NOS1: variants seen among roughly 807,000 people sequenced by gnomAD.
NOS1 encodes NOS type I.
In NOS1, 51 loss-of-function variants were observed where a neutral mutation model predicts 164.5. That is an observed-to-expected ratio of 0.31 (90% CI 0.25 to 0.39). The LOEUF (loss-of-function observed/expected upper bound fraction) is 0.39, where lower values mean the gene tolerates loss of function less well. NOS1 is among the 10% of genes least tolerant of loss of function. The probability of loss-of-function intolerance (pLI) is 1.00; values close to 1 mark genes in which losing one functional copy is unlikely to be tolerated. For synonymous variants in NOS1, 719 were observed against 745.8 expected, an observed-to-expected ratio of 0.96 and a Z score of 0.59; for missense variants, 1,362 against 1,885.6, an observed-to-expected ratio of 0.72 and a Z score of 5.14.
intron 3 of NOS1, among the ~76,000 whole-genome samples, chr12:117,297,432 C>T (rs1254384417): frequency 6.6e-6 from 1 of 151,454 alleles, no homozygotes; most frequent in African/African-American, 2.4e-5. Flanking sequence ...GCTCTTGTTG[C>T]CCAGGCTGGA....
At chr12:117,319,607 T>C (rs9658288) in intron 2 of NOS1, among the ~76,000 whole-genome samples, 1 of 152,236 alleles carries the variant, frequency 6.6e-6, no homozygotes, top group Non-Finnish European at 1.5e-5. Context: ...CACAAAGATG[T>C]AGATTCTGTG....
Position 117,256,399 on chromosome 12 carries a change from C to T in NOS1, c.2531+1998G>A, listed in dbSNP as rs542685775. ...GCTCAAGTGATTCTCCTGCCTCAGC[C>T]TCCTGAGTAGCTGGGATTACAGGTG... On this transcript the variant is annotated intron_variant, in intron 16 of 28. Transcript: ENST00000317775. 9.9e-5 allele frequency among the ~76,000 whole-genome samples: 15 copies of T among 151,110 alleles called. No homozygotes were observed. In the South Asian group the frequency reaches 3.1e-3, roughly 32 times the overall value.
At chr12:117,216,772 C>T (rs985043069) in intron 28 of NOS1, among the ~76,000 whole-genome samples, 18 of 152,212 alleles carry the variant, frequency 1.2e-4, no homozygotes, top group African/African-American at 4.3e-4. Context: ...AGCCACCACA[C>T]CTGGCCTTAA....
intron 1 of NOS1, among the ~76,000 whole-genome samples, chr12:117,357,117 G>A (rs945192405): frequency 6.6e-6 from 1 of 152,176 alleles, no homozygotes; most frequent in Non-Finnish European, 1.5e-5. Context: ...GAGCCCAGGA[G>A]TTTGAGTCTG....
At chr12:117,216,428 G>T (rs816360) in intron 28 of NOS1, among the ~76,000 whole-genome samples, 41 of 151,556 alleles carry the variant, frequency 2.7e-4, no homozygotes, top group African/African-American at 9.2e-4. Context: ...ATGATCCACC[G>T]GCCTCAGCCT....
At chr12:117,287,213 C>CA (rs1168919076) in intron 5 of NOS1, among the ~76,000 whole-genome samples, 2 of 151,792 alleles carry the variant, frequency 1.3e-5, no homozygotes, top group African/African-American at 2.4e-5. Context: ...GACTCTGTCT[C>CA]AAAAAAATAA....
chr12:117,208,422 G>GTGT lies in NOS1; in HGVS notation c.*6886_*6887insACA, dbSNP rs58714999. On this transcript the variant is annotated 3_prime_UTR_variant, in exon 29 of 29. Coordinates refer to ENST00000317775, the MANE Select transcript of NOS1 (RefSeq NM_000620.5). ...TGTGTGTGTGTGTGTGTGTGTGTGTGGTGAGATGCGACCAGGTCTGCCCAC... is the reference window on the plus strand; with the variant it reads ...TGTGTGTGTGTGTGTGTGTGTGTGTGTGTGTGAGATGCGACCAGGTCTGCCCAC... 7.1e-5 allele frequency: 90 copies of GTGT among 1,275,032 alleles called. No homozygotes were observed. The highest frequency in any genetic ancestry group is 3.2e-4 in the Middle Eastern group (1 of 3,110). 79.0% of individuals were successfully genotyped at this position (1,275,032 alleles called of 1,614,324 possible).
At position 117,286,123 on chromosome 12, in the gene NOS1, A is replaced by C. The variant is rs1874096614; in HGVS notation, c.1271T>G (p.Ile424Ser). The change falls in exon 6 of 29, where the codon ATC becomes AGC. Residue 424 changes from isoleucine to serine, a missense_variant. By Grantham distance (142) the Ile-to-Ser change is moderately radical. This residue lies in a region of NOS1 where 129 missense variants were observed against 186.0 expected (regional missense o/e 0.69). Transcript: ENST00000317775. ...WRNASRCVGR[I>S]QWSKLQVFDA... ...ACCTACCTGCAGCTTGGACCACTGG[A>C]TCCTGCCCACACAGCGCGAGGCATT... 1 of 1,613,986 alleles carries C rather than the reference A, an allele frequency of 6.2e-7. No homozygotes were observed.
rs1868811736 is a variant in NOS1, at chr12:117,227,562, T to G, written c.3485A>C (p.Gln1162Pro). 5 of 1,613,678 alleles carry G rather than the reference T, an allele frequency of 3.1e-6. No homozygotes were observed. In the East Asian group the frequency reaches 1.1e-4, roughly 36 times the overall value. Residue 1162 changes from glutamine to proline, a missense_variant, in exon 23 of 29, where the codon CAG (glutamine) becomes CCG (proline). Transcript: ENST00000317775. The part of the protein sequence containing the change: ...VEVLEEFPSI[Q>P]MPATLLLTQL... ...GGTCAGGAGCAGGGTGGCCGGCATCTGGATAGATGGGAACTCCTCCAGCAC... is the reference window on the plus strand; with the variant it reads ...GGTCAGGAGCAGGGTGGCCGGCATCGGGATAGATGGGAACTCCTCCAGCAC...
rs186564572 is a variant in NOS1, at chr12:117,359,826, C to T, written c.-421+1686G>A. 4.8e-3 allele frequency among the ~76,000 whole-genome samples: 665 copies of T among 137,150 alleles called. 5 individuals are homozygous for T. The highest frequency in any genetic ancestry group is 0.017 in the African/African-American group (617 of 36,498). 90.0% of individuals were successfully genotyped at this position (137,150 alleles called of 152,430 possible). A position where few individuals can be genotyped will look rare whatever the true frequency, so the allele number is the denominator to read the frequency against. ...TTCCTACTGGTGGGGAAACCCTAGA[C>T]CTGCGTGCGAGTCTCCCAGATCCGG... is the stretch of plus-strand genomic sequence containing the variant. On this transcript the variant is annotated intron_variant, in intron 1 of 28. Transcript: ENST00000317775.
intron 1 of NOS1, among the ~76,000 whole-genome samples, chr12:117,339,149 G>A (rs1277890951): frequency 2.6e-5 from 4 of 152,112 alleles, no homozygotes; most frequent in Non-Finnish European, 5.9e-5. Context: ...AAGTCATGGC[G>A]GCAAACCCAC....
intron 7 of NOS1, among the ~76,000 whole-genome samples, chr12:117,282,468 T>C (rs1873752386): frequency 6.6e-6 from 1 of 152,174 alleles, no homozygotes; most frequent in South Asian, 2.1e-4. Flanking sequence ...CCTCTTCCAT[T>C]TTATGTCCAA....
At chr12:117,239,195 G>C (rs932945348) in intron 20 of NOS1, among the ~76,000 whole-genome samples, 1 of 152,216 alleles carries the variant, frequency 6.6e-6, no homozygotes, top group Non-Finnish European at 1.5e-5. Flanking sequence ...CGGGGGATGA[G>C]ACTGAAGCAT....
In NOS1 at chr12:117,333,536, G is replaced by T. The variant is rs145340982; in HGVS notation, c.-420-2047C>A. On this transcript the variant is annotated intron_variant, in intron 1 of 28. Coordinates refer to ENST00000317775, the MANE Select transcript of NOS1 (RefSeq NM_000620.5). ...ACCTCCTGGATCCCCTCAATGGGGG[G>T]GTGTGTGGGGGGGATAATTAGCAAG... Among the ~76,000 whole-genome samples the T allele has an allele frequency of 1.6e-3, 245 of 152,262 alleles. 1 individual carries two copies. Among genetic ancestry groups the T allele is most frequent in the African/African-American group, 5.2e-3 (218 of 41,564 alleles).
Position 117,214,695 on chromosome 12 carries a change from G to A in NOS1, c.*614C>T. On this transcript the variant is annotated 3_prime_UTR_variant, in exon 29 of 29. Coordinates refer to ENST00000317775, the MANE Select transcript of NOS1 (RefSeq NM_000620.5). ...CAAATGTTTCAGGTACATGGGCGTGGACCCTAATTATGGACACACGAGGGA... is the reference window on the plus strand; with the variant it reads ...CAAATGTTTCAGGTACATGGGCGTGAACCCTAATTATGGACACACGAGGGA... 1 of 985,304 alleles carries A rather than the reference G, an allele frequency of 1.0e-6. No homozygotes were observed. Among genetic ancestry groups the A allele is most frequent in the South Asian group, 4.7e-5 (1 of 21,280 alleles). The allele number at this position is 985,304 out of a possible 1,614,324, so 61.0% of individuals were successfully genotyped here. A position where few individuals can be genotyped will look rare whatever the true frequency, so the allele number is the denominator to read the frequency against.
intron 3 of NOS1, chr12:117,301,909 C>G (rs1285498382): frequency 6.8e-6 from 3 of 442,552 alleles, no homozygotes. Flanking sequence ...CAAATAAGAA[C>G]AATAGTAACG....
At position 117,218,117 on chromosome 12, in the gene NOS1, C is replaced by T. The variant is rs371535616; in HGVS notation, c.4218G>A (p.Thr1406=). ...HEDIFGVTLR[T]YEVTNRLRSE... is the part of the protein sequence containing the mutation. ...ATCTAAGGCGGTTGGTCACTTCGTACGTTCGCAGGGTGACTCCAAAAATAT... is the reference window on the plus strand; with the variant it reads ...ATCTAAGGCGGTTGGTCACTTCGTATGTTCGCAGGGTGACTCCAAAAATAT... The change falls in exon 28 of 29, where the codon ACG becomes ACA. Residue 1406 remains threonine (T), a synonymous_variant. Transcript: ENST00000317775. 8 of 1,614,026 alleles carry T rather than the reference C, an allele frequency of 5.0e-6. No homozygotes were observed. In the Admixed American group the frequency reaches 6.7e-5, roughly 13 times the overall value.
chr12:117,348,709 A>C (rs1415125418), intron 1 of NOS1, among the ~76,000 whole-genome samples: 1 of 152,236 alleles, frequency 6.6e-6, no homozygotes, highest in Non-Finnish European at 1.5e-5. Context: ...TCCTTGATCT[A>C]ATCATGAAAA....
chr12:117,244,403 T>C (rs1306135546), intron 18 of NOS1, among the ~76,000 whole-genome samples: 3 of 152,060 alleles, frequency 2.0e-5, no homozygotes, highest in African/African-American at 4.8e-5. Context: ...ATGTGCACCA[T>C]GCCCAGCTAA....
Sources: allele counts gnomAD v4.1 joint callset (sites outside exome capture counted in the v4.1 genomes callset), GRCh38; gene constraint gnomAD v4.1.1; regional missense constraint gnomAD v4.1.1; transcripts MANE v1.5; gene names NCBI Gene and HGNC (gene_info 2026-07-23, HGNC 2026-07-21).